The following KSR2 variants were observed in gnomAD, a reference collection of about 807,000 sequenced individuals.
KSR2 encodes the protein kinase suppressor of ras 2.
A neutral mutation model predicts 107.8 loss-of-function variants in KSR2; 25 were observed. The ratio of observed to expected loss-of-function variants is 0.23; its 90% CI spans 0.17 to 0.32. The LOEUF (loss-of-function observed/expected upper bound fraction) is 0.32, where lower values mean the gene tolerates loss of function less well. Ranked by LOEUF, KSR2 falls within the 10% of genes least tolerant of loss-of-function variation. The probability of loss-of-function intolerance (pLI) is 1.00; values close to 1 mark genes in which losing one functional copy is unlikely to be tolerated. For missense variants in KSR2, 887 were observed against 1,268.9 expected (o/e 0.70, Z 4.57); for synonymous variants, 480 against 507.0 (o/e 0.95, Z 0.71).
intron 1 of KSR2, among the ~76,000 whole-genome samples, chr12:117,943,273 T>C (rs934251281): frequency 6.6e-6 from 1 of 152,114 alleles, no homozygotes; most frequent in African/African-American, 2.4e-5. Context: ...TCTCCATTTC[T>C]GAAATTAGTA....
At chr12:117,811,076 C>T (rs1444711437) in intron 3 of KSR2, among the ~76,000 whole-genome samples, 1 of 152,086 alleles carries the variant, frequency 6.6e-6, no homozygotes, top group Non-Finnish European at 1.5e-5. Context: ...CGGATGAAAC[C>T]CTTTTGGTGA....
At chr12:117,532,020 T>C (rs1875671854) in intron 10 of KSR2, among the ~76,000 whole-genome samples, 1 of 152,072 alleles carries the variant, frequency 6.6e-6, no homozygotes, top group Admixed American at 6.5e-5. Flanking sequence ...ACAGAAAAAC[T>C]CTGCAAAGCC....
intron 5 of KSR2, among the ~76,000 whole-genome samples, chr12:117,586,274 G>C (rs996975816): frequency 6.9e-6 from 1 of 144,032 alleles, no homozygotes; most frequent in African/African-American, 2.7e-5. Context: ...AGGAGGAGAA[G>C]AAAGAAGAAA....
chr12:117,688,170 A>G (rs1043993651), intron 4 of KSR2, among the ~76,000 whole-genome samples: 2 of 152,196 alleles, frequency 1.3e-5, no homozygotes, highest in East Asian at 3.9e-4. Context: ...ACTTGAGGTC[A>G]GGAGTTCGAT....
chr12:117,927,377 A>G (rs1895554836), intron 1 of KSR2, among the ~76,000 whole-genome samples: 3 of 138,334 alleles, frequency 2.2e-5, no homozygotes, highest in Admixed American at 1.5e-4. Context: ...CTCTGTCTCA[A>G]AAAATAACAA....
intron 5 of KSR2, among the ~76,000 whole-genome samples, chr12:117,642,273 T>C (rs1883409220): frequency 6.6e-6 from 1 of 152,224 alleles, no homozygotes; most frequent in African/African-American, 2.4e-5. Context: ...ATCTTGGACA[T>C]CAATTCATCC....
chr12:117,670,759 T>C (rs1884874090), intron 4 of KSR2, among the ~76,000 whole-genome samples: 1 of 152,206 alleles, frequency 6.6e-6, no homozygotes, highest in Non-Finnish European at 1.5e-5. Context: ...AATGCTGTAA[T>C]AGATGAAGGA....
intron 4 of KSR2, among the ~76,000 whole-genome samples, chr12:117,730,691 G>C (rs1449984183): frequency 6.6e-6 from 1 of 152,188 alleles, no homozygotes; most frequent in Non-Finnish European, 1.5e-5. Flanking sequence ...GTATTTTTTG[G>C]TGGAGACGGG....
intron 5 of KSR2, among the ~76,000 whole-genome samples, chr12:117,622,097 G>A (rs1568157): frequency 0.054 from 8,188 of 152,066 alleles, 606 homozygotes; most frequent in African/African-American, 0.17. Context: ...GCAAACTCTT[G>A]ATGGGGCAGT....
intron 10 of KSR2, among the ~76,000 whole-genome samples, chr12:117,537,125 A>G (rs973882695): frequency 1.2e-4 from 19 of 152,176 alleles, no homozygotes; most frequent in African/African-American, 3.6e-4. Flanking sequence ...AGACAAGAGA[A>G]TTGCTTGAAC....
chr12:117,480,695 C>T (rs1322321100), intron 16 of KSR2, among the ~76,000 whole-genome samples: 3 of 152,120 alleles, frequency 2.0e-5, no homozygotes, highest in African/African-American at 7.2e-5. Context: ...CTGCTGAGTG[C>T]CTACTGTTTG....
At chr12:117,920,024 A>G (rs181064722) in intron 1 of KSR2, among the ~76,000 whole-genome samples, 1 of 152,322 alleles carries the variant, frequency 6.6e-6, no homozygotes, top group East Asian at 1.9e-4. Flanking sequence ...TAACAACAGA[A>G]CCCCAAAATA....
intron 1 of KSR2, among the ~76,000 whole-genome samples, chr12:117,909,921 A>G (rs936221725): frequency 2.6e-5 from 4 of 151,856 alleles, no homozygotes; most frequent in Non-Finnish European, 5.9e-5. Flanking sequence ...AAAAGAAAAA[A>G]AAAAGATTAT....
chr12:117,817,174 A>T (rs1891401778), intron 3 of KSR2, among the ~76,000 whole-genome samples: 1 of 152,128 alleles, frequency 6.6e-6, no homozygotes, highest in East Asian at 1.9e-4. Flanking sequence ...TCAATAAGCC[A>T]TTTAAGGACT....
chr12:117,567,683 G>C (rs1490737519), intron 7 of KSR2, among the ~76,000 whole-genome samples: 2 of 144,854 alleles, frequency 1.4e-5, no homozygotes, highest in Non-Finnish European at 3.0e-5. Context: ...AAAAAATCAC[G>C]AAACCGAATC....
At chr12:117,612,413 A>AG (rs1012473300) in intron 5 of KSR2, among the ~76,000 whole-genome samples, 2 of 152,106 alleles carry the variant, frequency 1.3e-5, no homozygotes, top group African/African-American at 4.8e-5. Flanking sequence ...AAAAACAAAA[A>AG]AAAGGTAAAT....
intron 14 of KSR2, among the ~76,000 whole-genome samples, chr12:117,512,926 G>A (rs1051750708): frequency 8.5e-5 from 13 of 152,092 alleles, no homozygotes; most frequent in African/African-American, 3.1e-4. Flanking sequence ...CTGGGCACTG[G>A]ACATCTAGAC....
chr12:117,518,661 C>T (rs183853362), intron 14 of KSR2, among the ~76,000 whole-genome samples: 25 of 152,334 alleles, frequency 1.6e-4, no homozygotes, highest in Non-Finnish European at 3.2e-4. Flanking sequence ...TTCCCATTGC[C>T]GTAGGATAAA....
intron 14 of KSR2, among the ~76,000 whole-genome samples, chr12:117,519,487 T>C (rs1429012567): frequency 6.6e-6 from 1 of 152,124 alleles, no homozygotes; most frequent in Non-Finnish European, 1.5e-5. Context: ...CAGGTAAGGC[T>C]GGTTAGGGAA....
Sources: gnomAD v4.1 joint callset for allele counts (sites outside exome capture counted in the v4.1 genomes callset) on GRCh38, gnomAD v4.1.1 for gene constraint, MANE v1.5 for transcripts, NCBI Gene and HGNC (gene_info 2026-07-23, HGNC 2026-07-21) for gene names.